AMPD1: variants seen among roughly 807,000 people sequenced by gnomAD.
AMPD1 encodes the protein adenosine monophosphate deaminase 1, also known as AMP deaminase 1.
In AMPD1, 74 loss-of-function variants were observed where a neutral mutation model predicts 82.9. That is an observed-to-expected ratio of 0.89 (90% CI 0.74 to 1.08). The LOEUF (loss-of-function observed/expected upper bound fraction) is 1.08. Ranked by LOEUF, AMPD1 falls within the 50% of genes least tolerant of loss-of-function variation. The pLI is 0.00. For missense variants in AMPD1, 881 were observed against 924.5 expected, an observed-to-expected ratio of 0.95 and a Z score of 0.61; for synonymous variants, 333 against 320.5, an observed-to-expected ratio of 1.04 and a Z score of -0.42.
intron 5 of AMPD1, among the ~76,000 whole-genome samples, chr1:114,682,673 G>A (rs1350341778): frequency 1.1e-4 from 16 of 151,822 alleles, no homozygotes. Context: ...CCGCCTCCCG[G>A]GTTCACGCCA....
rs756169459 is a variant in AMPD1 at position 114,678,425 on chromosome 1, T to G, written c.1000A>C (p.Thr334Pro). The G allele has an allele frequency of 7.4e-6, 12 of 1,614,160 alleles. No homozygotes were observed. The highest frequency in any genetic ancestry group is 2.5e-6 in the Non-Finnish European group (3 of 1,180,006). Reference sequence around the variant, plus strand: ...TTTAGGGTCAGATTCTTCTCTTTGGTGCTATAGACCACTCTGTCAGCATCA... The same window carrying G: ...TTTAGGGTCAGATTCTTCTCTTTGGGGCTATAGACCACTCTGTCAGCATCA... ...QIDADRVVYS[T>P]KEKNLTLKEL... is the part of the protein sequence containing the mutation. Residue 334 changes from threonine (T) to proline (P), a missense_variant, in exon 8 of 16, where the codon ACC becomes CCC. By Grantham distance (38) the Thr-to-Pro change is conservative. This residue lies in a region of AMPD1 where 783 missense variants were observed against 786.4 expected (regional missense o/e 1.00). Coordinates refer to ENST00000520113, the MANE Select transcript of AMPD1 (RefSeq NM_000036.3).
chr1:114,689,195 C>T (rs953296900), intron 2 of AMPD1, among the ~76,000 whole-genome samples: 2 of 152,166 alleles, frequency 1.3e-5, no homozygotes, highest in East Asian at 1.9e-4. Context: ...CCAGTGATTC[C>T]GGTGATCTAA....
chr1:114,684,408 A>G (rs761885184), intron 4 of AMPD1, 44 bp from the exon 5 acceptor site: 7 of 1,601,168 alleles, frequency 4.4e-6, no homozygotes, highest in Non-Finnish European at 4.3e-6. Flanking sequence ...CAATCCCACG[A>G]AAAACTGAGA....
intron 11 of AMPD1, 82 bp from the exon 12 acceptor site, chr1:114,675,775 C>T: frequency 6.2e-7 from 1 of 1,613,250 alleles, no homozygotes; most frequent in South Asian, 1.1e-5. Flanking sequence ...GGTCCAAAGG[C>T]ACAGACCAAA....
chr1:114,673,579 T>A, intron 15 of AMPD1, 60 bp downstream of exon 15: 2 of 1,352,638 alleles, frequency 1.5e-6, no homozygotes, highest in Admixed American at 3.4e-5. Flanking sequence ...AACTACTTTT[T>A]CGGTATTCAA....
intron 2 of AMPD1, 22 bp from the exon 3 acceptor site, chr1:114,688,763 T>C (rs780881367): frequency 3.1e-6 from 5 of 1,613,966 alleles, no homozygotes; most frequent in Non-Finnish European, 4.2e-6. Flanking sequence ...TTTCACATAT[T>C]AGTGTTCAAG....
rs765351131 is a variant in AMPD1 at position 114,684,316 on chromosome 1, G to C, written c.430C>G (p.Leu144Val). 8.1e-6 allele frequency: 13 copies of C among 1,613,952 alleles called. No individual in the cohort carries two copies. Among genetic ancestry groups the C allele is most frequent in the Non-Finnish European group, 1.1e-5 (13 of 1,180,012 alleles). The change falls in exon 5 of 16, where the codon CTA becomes GTA. Residue 144 changes from leucine to valine, a missense_variant. This residue lies in a region of AMPD1 where 783 missense variants were observed against 786.4 expected (regional missense o/e 1.00). Coordinates refer to ENST00000520113, the MANE Select transcript of AMPD1 (RefSeq NM_000036.3). Reference sequence around the variant, plus strand: ...TGCATGTATTTCTCACGTATGCATAGTGCCCGATACAGACCTTTGCAAACA... The same window carrying C: ...TGCATGTATTTCTCACGTATGCATACTGCCCGATACAGACCTTTGCAAACA... ...EIVCKGLYRA[L>V]CIREKYMQKS...
intron 4 of AMPD1, among the ~76,000 whole-genome samples, chr1:114,686,204 A>G (rs1358761463): frequency 6.6e-6 from 1 of 152,176 alleles, no homozygotes; most frequent in Admixed American, 6.5e-5. Flanking sequence ...CAAAAAAACA[A>G]TAGCCTCGTT....
intron 1 of AMPD1, 30 bp downstream of exon 1, chr1:114,695,420 C>T (rs1658648128): frequency 6.2e-7 from 1 of 1,602,532 alleles, no homozygotes; most frequent in African/African-American, 1.4e-5. Flanking sequence ...ACAACAACAA[C>T]TGAGCTCTCC....
chr1:114,674,615 C>T (rs1168977528), intron 13 of AMPD1, 137 bp downstream of exon 13: 2 of 1,116,996 alleles, frequency 1.8e-6, no homozygotes, highest in African/African-American at 1.6e-5. Flanking sequence ...ATGAACTGCA[C>T]TAAACTAAAA....
rs1658021672 is a variant in AMPD1, at chr1:114,677,453, T to C, written c.1286A>G (p.Tyr429Cys). The part of the protein sequence containing the change: ...YQHAEPRLSI[Y>C]GRSPDEWSKL... ...GCTCCACTCATCAGGACTGCGGCCA[T>C]AGATGGACAGGCGGGGCTCAGCATG... The change falls in exon 10 of 16, where the codon TAT becomes TGT. Residue 429 changes from tyrosine to cysteine, a missense_variant. Coordinates refer to ENST00000520113, the MANE Select transcript of AMPD1 (RefSeq NM_000036.3). 6.2e-7 allele frequency: 1 copy of C among 1,612,894 alleles called. No homozygotes were observed. The highest frequency in any genetic ancestry group is 8.5e-7 in the Non-Finnish European group (1 of 1,179,804).
chr1:114,683,181 A>G (rs765466758), intron 5 of AMPD1: 30 of 453,256 alleles, frequency 6.6e-5, no homozygotes, highest in Non-Finnish European at 1.2e-4. Flanking sequence ...GAAAGTCAGA[A>G]CATGTAGTTT....
rs1658114716 is a variant in AMPD1 at position 114,680,225 on chromosome 1, A to G, written c.767+34T>C. On this transcript the variant is annotated intron_variant, in intron 6 of 15. Coordinates refer to ENST00000520113, the MANE Select transcript of AMPD1 (RefSeq NM_000036.3). ...GTTGTTGTTTAGGTCTTGTAGTACT[A>G]GTTGTTGTTGTTTAGGTCTCACTAA... 3.2e-6 allele frequency: 5 copies of G among 1,558,652 alleles called. No individual in the cohort carries two copies. In the South Asian group the frequency reaches 4.5e-5, roughly 14 times the overall value.
At chr1:114,684,108 G>A in intron 5 of AMPD1, 91 bp downstream of exon 5, 2 of 1,337,484 alleles carry the variant, frequency 1.5e-6, no homozygotes, top group Non-Finnish European at 1.0e-6. Flanking sequence ...TTTTTAGACT[G>A]GATTACTTAT....
At chr1:114,690,321 A>C (rs763860835) in intron 2 of AMPD1, among the ~76,000 whole-genome samples, 15 of 152,214 alleles carry the variant, frequency 9.9e-5, no homozygotes, top group Non-Finnish European at 1.6e-4. Context: ...ATAAAGCACC[A>C]GATTAAATTG....
intron 2 of AMPD1, among the ~76,000 whole-genome samples, chr1:114,692,414 G>A (rs1231445886): frequency 1.3e-5 from 2 of 152,144 alleles, no homozygotes; most frequent in African/African-American, 4.8e-5. Context: ...GGCTGGGCAC[G>A]GTGGCTCACG....
At chr1:114,673,811 T>C (rs1570835562) in intron 14 of AMPD1, 62 bp from the exon 15 acceptor site, 1 of 1,579,288 alleles carries the variant, frequency 6.3e-7, no homozygotes, top group Admixed American at 1.7e-5. Flanking sequence ...GCATCCTGCC[T>C]GAAAAAATAA....
chr1:114,675,462 A>T (rs1338931438), intron 12 of AMPD1, 68 bp downstream of exon 12: 17 of 1,541,448 alleles, frequency 1.1e-5, no homozygotes, highest in Non-Finnish European at 1.5e-5. Context: ...TGACCACCTT[A>T]ATTGCCAATA....
intron 3 of AMPD1, among the ~76,000 whole-genome samples, chr1:114,687,458 C>T (rs536001034): frequency 6.6e-6 from 1 of 152,180 alleles, no homozygotes; most frequent in Admixed American, 6.5e-5. Context: ...TTGCTTTGAC[C>T]CAAGTCCTGT....
Sources: allele counts gnomAD v4.1 joint callset (sites outside exome capture counted in the v4.1 genomes callset), GRCh38; gene constraint gnomAD v4.1.1; regional missense constraint gnomAD v4.1.1; transcripts MANE v1.5; gene names NCBI Gene and HGNC (gene_info 2026-07-23, HGNC 2026-07-21).